MRPS11: variants seen among roughly 807,000 people sequenced by gnomAD.
The protein encoded by MRPS11 is mitochondrial ribosomal protein S11, also known as small ribosomal subunit protein uS11m.
In MRPS11, 27 loss-of-function variants were observed where a neutral mutation model predicts 24.3. The ratio of observed to expected loss-of-function variants is 1.11; its 90% CI spans 0.82 to 1.53. The LOEUF (loss-of-function observed/expected upper bound fraction) is 1.53. Ranked by LOEUF, MRPS11 falls within the 40% of genes most tolerant of loss-of-function variation. The pLI is 0.00. For synonymous variants in MRPS11, 104 were observed against 98.7 expected (o/e 1.05, Z -0.32); for missense variants, 277 against 256.5 (o/e 1.08, Z -0.55).
At chr15:88,468,094 C>A in intron 2 of MRPS11, 70 bp downstream of exon 2, 1 of 1,526,412 alleles carries the variant, frequency 6.6e-7, no homozygotes, top group Non-Finnish European at 8.9e-7. Flanking sequence ...CCTCCAGAGT[C>A]AGAACCAGTG....
At position 88,467,738 on chromosome 15, in the gene MRPS11, G is replaced by A. The variant is rs1338397594; in HGVS notation, c.21G>A (p.Ala7=). ...AAGTCATGCAGGCTGTGAGAAACGC[G>A]GGGTCGCGGTTCCTGCGGTCCTGGA... MQAVRN[A]GSRFLRSWTW... The change falls in exon 1 of 6, where the codon GCG becomes GCA. Residue 7 remains alanine, a synonymous_variant. Transcript: ENST00000325844. 9.9e-6 allele frequency: 16 copies of A among 1,613,962 alleles called. No homozygotes were observed. Among genetic ancestry groups the A allele is most frequent in the Non-Finnish European group, 1.2e-5 (14 of 1,180,028 alleles).
intron 2 of MRPS11, among the ~76,000 whole-genome samples, chr15:88,470,152 T>C (rs2055658941): frequency 6.6e-6 from 1 of 152,056 alleles, no homozygotes; most frequent in African/African-American, 2.4e-5. Context: ...CCGTCTCTAC[T>C]AAAAATACAA....
chr15:88,468,513 C>T, intron 2 of MRPS11: 1 of 989,182 alleles, frequency 1.0e-6, no homozygotes, highest in Non-Finnish European at 1.2e-6. Context: ...CACTTAACTT[C>T]ACATCCATTT....
At chr15:88,476,258 G>A (rs2055821183) in intron 4 of MRPS11, among the ~76,000 whole-genome samples, 2 of 152,082 alleles carry the variant, frequency 1.3e-5, no homozygotes, top group African/African-American at 2.4e-5. Flanking sequence ...GCCATGCACC[G>A]ATTCAGTTCA....
At chr15:88,470,247 G>A (rs1598290707) in intron 2 of MRPS11, among the ~76,000 whole-genome samples, 1 of 152,160 alleles carries the variant, frequency 6.6e-6, no homozygotes. Context: ...CCCCGGAGAC[G>A]GAGGTTGCAG....
chr15:88,476,500 C>T (rs987847518), intron 4 of MRPS11, among the ~76,000 whole-genome samples: 3 of 152,176 alleles, frequency 2.0e-5, no homozygotes, highest in Non-Finnish European at 2.9e-5. Context: ...AGAAGTATGT[C>T]ACTGTTCACA....
intron 2 of MRPS11, chr15:88,468,503 C>T: frequency 2.0e-6 from 2 of 990,856 alleles, no homozygotes; most frequent in Non-Finnish European, 2.4e-6. Flanking sequence ...TATACACATC[C>T]ACTTAACTTC....
chr15:88,478,682 G>C lies in MRPS11; in HGVS notation c.*703G>C, dbSNP rs1414783312. The C allele has an allele frequency of 1.3e-5, 2 of 152,414 alleles. No homozygotes were observed. Among genetic ancestry groups the C allele is most frequent in the East Asian group, 3.8e-4 (2 of 5,196 alleles). 9.4% of individuals were successfully genotyped at this position (152,414 alleles called of 1,614,324 possible). A position where few individuals can be genotyped will look rare whatever the true frequency, so the allele number is the denominator to read the frequency against. On this transcript the variant is annotated 3_prime_UTR_variant, in exon 6 of 6. Coordinates refer to ENST00000325844, the MANE Select transcript of MRPS11 (RefSeq NM_022839.5). The surrounding 1 kb of genome is among the most constrained non-coding windows in gnomAD (Gnocchi z 4.7). ...CGAGAGAGTGCCCTAAAAGCGGGGA[G>C]GGTAGAGTTGTACAAAACATGATTC...
chr15:88,476,786 A>T (rs1033478700), intron 4 of MRPS11: 5 of 583,392 alleles, frequency 8.6e-6, no homozygotes, highest in South Asian at 2.0e-5. Context: ...GATCACAGTC[A>T]CGTGAATTCT....
rs961522589 is a variant in MRPS11 at position 88,479,939 on chromosome 15, C to T, written c.*1960C>T. On this transcript the variant is annotated 3_prime_UTR_variant, in exon 6 of 6. Coordinates refer to ENST00000325844, the MANE Select transcript of MRPS11 (RefSeq NM_022839.5). ...CTAGAAGAGGCAGGGAAGAACAGTT[C>T]CTAGAACCTGGCAGGAGCTGCCACA... is the stretch of plus-strand genomic sequence containing the variant. 6.6e-6 allele frequency: 1 copy of T among 152,282 alleles called. No homozygotes were observed. Among genetic ancestry groups the T allele is most frequent in the African/African-American group, 2.4e-5 (1 of 41,460 alleles). The allele number at this position is 152,282 out of a possible 1,614,324, so 9.4% of individuals were successfully genotyped here. A position where few individuals can be genotyped will look rare whatever the true frequency, so the allele number is the denominator to read the frequency against.
chr15:88,471,659 T>A (rs748891558), intron 2 of MRPS11, among the ~76,000 whole-genome samples: 5 of 152,224 alleles, frequency 3.3e-5, no homozygotes, highest in African/African-American at 4.8e-5. Flanking sequence ...ATAAAAATCC[T>A]TATTTTCCTT....
chr15:88,475,169 C>G lies in MRPS11; in HGVS notation c.341C>G (p.Thr114Arg), dbSNP rs577243785. The change falls in exon 4 of 6, where the codon ACA becomes AGA. Residue 114 changes from threonine to arginine, a missense_variant. Thr to Arg is a moderately conservative substitution (Grantham distance 71, BLOSUM62 -1). Coordinates refer to ENST00000325844, the MANE Select transcript of MRPS11 (RefSeq NM_022839.5). The surrounding 1 kb of genome is among the most constrained non-coding windows in gnomAD (Gnocchi z 4.1). ...NEPLAFASCG[T>R]EGFRNAKKGT... Reference sequence around the variant, plus strand: ...CCCCTTGCCTTTGCTTCCTGTGGCACAGAGGGATTTCGGAATGCCAAGAAG... The same window carrying G: ...CCCCTTGCCTTTGCTTCCTGTGGCAGAGAGGGATTTCGGAATGCCAAGAAG... 1 of 1,614,122 alleles carries G rather than the reference C, an allele frequency of 6.2e-7. No individual in the cohort carries two copies. The highest frequency in any genetic ancestry group is 8.5e-7 in the Non-Finnish European group (1 of 1,180,054).
chr15:88,476,424 A>G (rs1017871018), intron 4 of MRPS11, among the ~76,000 whole-genome samples: 4 of 152,236 alleles, frequency 2.6e-5, no homozygotes, highest in Non-Finnish European at 5.9e-5. Context: ...TATTGATTGC[A>G]TGTACTATCA....
At position 88,469,851 on chromosome 15, in the gene MRPS11, A is replaced by G. The variant is rs1446186777; in HGVS notation, c.182+1827A>G. ...GAACAAGCAGGATTTGTTAATATAC[A>G]GTGTGAGAAAAAGGAGCGAAGGAAG... On this transcript the variant is annotated intron_variant, in intron 2 of 5. Coordinates refer to ENST00000325844, the MANE Select transcript of MRPS11 (RefSeq NM_022839.5). This position sits in a 1 kb window ranked among gnomAD's most constrained non-coding sequence, Gnocchi z 4.4. Among the ~76,000 whole-genome samples, 1 of 152,224 alleles carries G rather than the reference A, an allele frequency of 6.6e-6. No individual in the cohort carries two copies. Among genetic ancestry groups the G allele is most frequent in the Non-Finnish European group, 1.5e-5 (1 of 68,044 alleles).
chr15:88,472,858 G>C, intron 3 of MRPS11, 133 bp downstream of exon 3: 1 of 616,864 alleles, frequency 1.6e-6, no homozygotes, highest in Non-Finnish European at 2.8e-6. Context: ...CGCTAATGTA[G>C]GGCACCGTCT....
At chr15:88,470,463 C>G (rs2055671143) in intron 2 of MRPS11, among the ~76,000 whole-genome samples, 1 of 152,120 alleles carries the variant, frequency 6.6e-6, no homozygotes, top group African/African-American at 2.4e-5. Context: ...AGAAGAGGTC[C>G]AAGGACTGAA....
At chr15:88,476,758 G>A in intron 4 of MRPS11, 1 of 453,468 alleles carries the variant, frequency 2.2e-6, no homozygotes, top group Non-Finnish European at 3.9e-6. Flanking sequence ...AGGTGGCGGT[G>A]CTGTCCTAGG....
At chr15:88,468,046 C>T in intron 2 of MRPS11, 22 bp downstream of exon 2, 1 of 1,585,112 alleles carries the variant, frequency 6.3e-7, no homozygotes, top group Non-Finnish European at 8.6e-7. Flanking sequence ...TTGGACCAGC[C>T]CTCTGGAGAC....
chr15:88,467,985 A>C lies in MRPS11; in HGVS notation c.143A>C (p.Lys48Thr). ...RQLQDAAAKQ[K>T]VEQNAAPSHT... ...CTCCAAGACGCTGCGGCCAAGCAGAAAGTTGAACAGAACGCGGCTCCCAGC... is the reference window on the plus strand; with the variant it reads ...CTCCAAGACGCTGCGGCCAAGCAGACAGTTGAACAGAACGCGGCTCCCAGC... Residue 48 changes from lysine (K) to threonine (T), a missense_variant, in exon 2 of 6, where the codon AAA (lysine) becomes ACA (threonine). Physicochemically the swap from Lys to Thr is moderately conservative, Grantham distance 78. Transcript: ENST00000325844. 6.2e-7 allele frequency: 1 copy of C among 1,610,924 alleles called. No homozygotes were observed. Among genetic ancestry groups the C allele is most frequent in the South Asian group, 1.1e-5 (1 of 90,498 alleles).
Sources: allele counts gnomAD v4.1 joint callset (sites outside exome capture counted in the v4.1 genomes callset), GRCh38; gene constraint gnomAD v4.1.1; non-coding constraint Gnocchi (gnomAD v3.1); transcripts MANE v1.5; gene names NCBI Gene and HGNC (gene_info 2026-07-23, HGNC 2026-07-21).